Variants in PTP4A2 observed in about 807,000 individuals in gnomAD.
The protein encoded by PTP4A2 is protein tyrosine phosphatase type IVA 2.
Under a neutral mutation model 22.9 loss-of-function variants are expected in PTP4A2, and 2 were observed. That is an observed-to-expected ratio of 0.09 (90% CI 0.04 to 0.27). The LOEUF (loss-of-function observed/expected upper bound fraction) is 0.27. Ranked by LOEUF, PTP4A2 falls within the 10% of genes least tolerant of loss-of-function variation. The probability of loss-of-function intolerance (pLI) is 1.00; values close to 1 mark genes in which losing one functional copy is unlikely to be tolerated. For missense variants in PTP4A2, 103 were observed against 205.1 expected (o/e 0.50, Z 3.04); for synonymous variants, 68 against 69.1 (o/e 0.98, Z 0.08).
chr1:31,911,938 T>C (rs1470503878), intron 3 of PTP4A2, 112 bp from the exon 4 acceptor site: 4 of 571,278 alleles, frequency 7.0e-6, no homozygotes, highest in African/African-American at 1.9e-5. Flanking sequence ...CTAACTGCAC[T>C]ATATATACCT....
At chr1:31,926,149 A>AATATATATATATATATAT (rs1553212254) in intron 1 of PTP4A2, among the ~76,000 whole-genome samples, 12 of 131,180 alleles carry the variant, frequency 9.1e-5, no homozygotes, top group Admixed American at 3.1e-4. Flanking sequence ...AAAAAAAAAA[A>AATATATATATATATATAT]ATATATATAT....
Position 31,915,964 on chromosome 1 carries a change from C to T in PTP4A2, c.120G>A (p.Thr40=), listed in dbSNP as rs1383200220. Residue 40 remains threonine (T), a synonymous_variant, in exon 3 of 6, where the codon ACG becomes ACA. Coordinates refer to ENST00000647444, the MANE Select transcript of PTP4A2 (RefSeq NM_080391.4). ...TAGCATCACAAACTCGAACCAAAGT[C>T]GTCACTCCATACTTCTTAAGTTCCT... ...FTEELKKYGV[T]TLVRVCDATY... 3.1e-6 allele frequency: 5 copies of T among 1,600,944 alleles called. No homozygotes were observed. The highest frequency in any genetic ancestry group is 1.4e-5 in the African/African-American group (1 of 73,620).
At chr1:31,920,236 G>A (rs917804378) in intron 1 of PTP4A2, among the ~76,000 whole-genome samples, 4 of 150,856 alleles carry the variant, frequency 2.7e-5, no homozygotes, top group Admixed American at 1.3e-4. Flanking sequence ...CTGAGGTCGG[G>A]AGTTCAAGAC....
chr1:31,925,997 C>T (rs1469760740), intron 1 of PTP4A2, among the ~76,000 whole-genome samples: 22 of 150,490 alleles, frequency 1.5e-4, no homozygotes, highest in Non-Finnish European at 3.3e-4. Context: ...GGCGTGGCGG[C>T]GCATGCCTGT....
chr1:31,937,050 A>T (rs1569664178), intron 1 of PTP4A2, among the ~76,000 whole-genome samples: 2 of 152,350 alleles, frequency 1.3e-5, no homozygotes, highest in East Asian at 1.9e-4. Context: ...CTGAAAAACT[A>T]GCAGTACTTT....
intron 1 of PTP4A2, among the ~76,000 whole-genome samples, chr1:31,923,643 C>T (rs1455170750): frequency 2.0e-5 from 3 of 151,846 alleles, no homozygotes; most frequent in South Asian, 4.2e-4. Flanking sequence ...CTGCCTCAAC[C>T]TCTTGAGTAG....
intron 1 of PTP4A2, among the ~76,000 whole-genome samples, chr1:31,923,077 A>G (rs1557865934): frequency 6.7e-6 from 1 of 149,490 alleles, no homozygotes; most frequent in Non-Finnish European, 1.5e-5. Context: ...GATTACAGGC[A>G]TATTTTTGTA....
chr1:31,912,500 C>G (rs1337544823), intron 3 of PTP4A2, among the ~76,000 whole-genome samples: 2 of 152,102 alleles, frequency 1.3e-5, no homozygotes, highest in Non-Finnish European at 2.9e-5. Flanking sequence ...GTCAAGTATC[C>G]CTTTCTCTTT....
intron 2 of PTP4A2, 64 bp from the exon 3 acceptor site, chr1:31,916,051 A>G: frequency 8.7e-7 from 1 of 1,147,100 alleles, no homozygotes; most frequent in South Asian, 1.4e-5. Context: ...AAATGTAGAA[A>G]TGTACTATTA....
rs140402377 is a variant in PTP4A2 at position 31,922,381 on chromosome 1, G to A, written c.-593-2723C>T. On this transcript the variant is annotated intron_variant, in intron 1 of 5. Transcript: ENST00000647444. ...GCCTGTATTCCCACCTACTCGGGAG[G>A]CTGAGGCAGGAGAATTGCTTGAACC... is the stretch of plus-strand genomic sequence containing the variant. Among the ~76,000 whole-genome samples, 760 of 152,280 alleles carry A rather than the reference G, an allele frequency of 5.0e-3. 3 individuals carry two copies. The highest frequency in any genetic ancestry group is 8.7e-3 in the Non-Finnish European group (590 of 68,006).
intron 1 of PTP4A2, chr1:31,935,656 G>A (rs1316619686): frequency 6.6e-5 from 10 of 152,104 alleles, no homozygotes; most frequent in Non-Finnish European, 1.5e-4. Context: ...TGTATCCCTA[G>A]TGCCTGGCAA....
chr1:31,932,595 T>C lies in PTP4A2; in HGVS notation c.-594+5392A>G, dbSNP rs1652769012. 2 of 152,234 alleles carry C rather than the reference T, an allele frequency of 1.3e-5. 1 individual carries two copies. The highest frequency in any genetic ancestry group is 4.1e-4 in the South Asian group (2 of 4,832). 9.4% of individuals were successfully genotyped at this position (152,234 alleles called of 1,614,324 possible). ...AATCTGTCAACTCCTCACAGTCATTTTTCTGGGAAAGATTTCTGTGTCCTG... is the reference window on the plus strand; with the variant it reads ...AATCTGTCAACTCCTCACAGTCATTCTTCTGGGAAAGATTTCTGTGTCCTG... On this transcript the variant is annotated intron_variant, in intron 1 of 5. Coordinates refer to ENST00000647444, the MANE Select transcript of PTP4A2 (RefSeq NM_080391.4).
chr1:31,916,889 TTC>T (rs1399557114), intron 2 of PTP4A2, among the ~76,000 whole-genome samples: 2 of 152,244 alleles, frequency 1.3e-5, no homozygotes, highest in African/African-American at 4.8e-5. Flanking sequence ...TGTTGTTAAA[TTC>T]TTTTTGCTTA....
intron 1 of PTP4A2, among the ~76,000 whole-genome samples, chr1:31,930,144 C>G (rs1434548746): frequency 1.3e-5 from 2 of 152,078 alleles, no homozygotes; most frequent in African/African-American, 4.8e-5. Context: ...CGAGACCATC[C>G]TGGCTAACAC....
chr1:31,936,068 T>A (rs962340889), intron 1 of PTP4A2, among the ~76,000 whole-genome samples: 4 of 151,714 alleles, frequency 2.6e-5, no homozygotes, highest in Admixed American at 2.0e-4. Flanking sequence ...GGATTACAGG[T>A]ATGAGCCAGC....
chr1:31,911,673 G>A (rs1651540005), intron 4 of PTP4A2, 23 bp downstream of exon 4: 1 of 1,543,232 alleles, frequency 6.5e-7, no homozygotes, highest in South Asian at 1.3e-5. Flanking sequence ...CAGACAAAAA[G>A]GGTAATAAAG....
chr1:31,914,036 G>T, intron 3 of PTP4A2: 1 of 381,520 alleles, frequency 2.6e-6, no homozygotes, highest in Non-Finnish European at 5.2e-6. Flanking sequence ...AAATTTGACT[G>T]CAAGCAAATT....
At chr1:31,912,271 T>A (rs56371094) in intron 3 of PTP4A2, among the ~76,000 whole-genome samples, 7,186 of 152,292 alleles carry the variant, frequency 0.047, 216 homozygotes, top group Middle Eastern at 0.099. Context: ...TAATTGAAGA[T>A]TATAATTCAA....
intron 1 of PTP4A2, among the ~76,000 whole-genome samples, chr1:31,927,375 T>C (rs904719850): frequency 2.6e-5 from 4 of 151,038 alleles, no homozygotes; most frequent in African/African-American, 9.8e-5. Flanking sequence ...GAGAGGAGAG[T>C]GGGGCTTGAA....
Sources: allele counts gnomAD v4.1 joint callset (sites outside exome capture counted in the v4.1 genomes callset), GRCh38; gene constraint gnomAD v4.1.1; transcripts MANE v1.5; gene names NCBI Gene and HGNC (gene_info 2026-07-23, HGNC 2026-07-21).